OSBPL9: variants seen among roughly 807,000 people sequenced by gnomAD.
OSBPL9 encodes the protein oxysterol-binding protein-related protein 9.
In OSBPL9, 40 loss-of-function variants were observed where a neutral mutation model predicts 106.6. That is an observed-to-expected ratio of 0.38 (90% CI 0.29 to 0.49). The LOEUF (loss-of-function observed/expected upper bound fraction) is 0.49. OSBPL9 is among the 20% of genes least tolerant of loss of function. OSBPL9 has a pLI of 0.97. For synonymous variants in OSBPL9, 269 were observed against 295.4 expected, an observed-to-expected ratio of 0.91 and a Z score of 0.92; for missense variants, 609 against 887.2, an observed-to-expected ratio of 0.69 and a Z score of 3.98.
chr1:51,750,283 CT>C, intron 8 of OSBPL9, 88 bp downstream of exon 8: 2 of 842,212 alleles, frequency 2.4e-6, no homozygotes, highest in Middle Eastern at 5.2e-4. Flanking sequence ...AAACTCAGAT[CT>C]GAAACATAGT....
At chr1:51,560,748 G>A in the OSBPL9 span, 1 of 152,238 alleles carries the variant, frequency 6.6e-6, no homozygotes, top group African/African-American at 2.4e-5. Context: ...CCAATTAAAG[G>A]AAAGAAGACT....
At chr1:51,646,340 T>G (rs1646150991) in intron 1 of OSBPL9, among the ~76,000 whole-genome samples, 1 of 152,224 alleles carries the variant, frequency 6.6e-6, no homozygotes, top group African/African-American at 2.4e-5. Context: ...CTTCTTTTAT[T>G]AAATTTATTA....
intron 3 of OSBPL9, among the ~76,000 whole-genome samples, chr1:51,682,368 T>C (rs763313369): frequency 1.3e-5 from 2 of 152,116 alleles, no homozygotes; most frequent in Non-Finnish European, 2.9e-5. Context: ...TGAGGAGATA[T>C]GTAACGCACT....
In OSBPL9 at chr1:51,702,786, T is replaced by G. The variant is rs1215996079; in HGVS notation, c.242-11217T>G. Among the ~76,000 whole-genome samples the G allele has an allele frequency of 2.6e-5, 4 of 152,340 alleles. No individual in the cohort carries two copies. In the East Asian group the frequency reaches 7.7e-4, roughly 29 times the overall value. ...GTTTTTATGGTTTTAGGTCTAACATTTAAGTCTTTAATCCATCTTGAATTA... is the reference window on the plus strand; with the variant it reads ...GTTTTTATGGTTTTAGGTCTAACATGTAAGTCTTTAATCCATCTTGAATTA... On this transcript the variant is annotated intron_variant, in intron 3 of 23. Coordinates refer to ENST00000428468, the MANE Select transcript of OSBPL9 (RefSeq NM_024586.6).
the OSBPL9 span, among the ~76,000 whole-genome samples, chr1:51,531,145 G>C: frequency 7.1e-6 from 1 of 140,790 alleles, no homozygotes; most frequent in Non-Finnish European, 1.5e-5. Flanking sequence ...GTGTGGTGGT[G>C]CATGTGCCTG....
chr1:51,783,226 G>T (rs1286468728), intron 17 of OSBPL9, among the ~76,000 whole-genome samples: 1 of 151,876 alleles, frequency 6.6e-6, no homozygotes, highest in African/African-American at 2.4e-5. Context: ...TGTCCCCCAG[G>T]GTGGAATGCA....
chr1:51,619,456 C>CT (rs1644290917), intron 1 of OSBPL9, among the ~76,000 whole-genome samples: 1 of 152,108 alleles, frequency 6.6e-6, no homozygotes, highest in Non-Finnish European at 1.5e-5. Flanking sequence ...TAAAAAAATA[C>CT]TTTTTTCCCC....
At chr1:51,590,320 G>T (rs566046935) in intron 1 of OSBPL9, among the ~76,000 whole-genome samples, 2 of 150,392 alleles carry the variant, frequency 1.3e-5, no homozygotes, top group East Asian at 3.9e-4. Flanking sequence ...AATACAGGAG[G>T]TAAAAAAAAA....
chr1:51,725,256 T>C (rs917431293), intron 4 of OSBPL9, among the ~76,000 whole-genome samples: 1 of 152,162 alleles, frequency 6.6e-6, no homozygotes, highest in Non-Finnish European at 1.5e-5. Flanking sequence ...TTACAGTCTT[T>C]TTGATCAGTA....
At chr1:51,627,708 GTC>G (rs1211403197) in intron 1 of OSBPL9, among the ~76,000 whole-genome samples, 1 of 151,002 alleles carries the variant, frequency 6.6e-6, no homozygotes, top group East Asian at 1.9e-4. Flanking sequence ...TTTGAAAAAT[GTC>G]TCTCCTAATT....
At position 51,586,123 on chromosome 1, in the gene OSBPL9, G is replaced by A. The variant is rs374555936; in HGVS notation, c.-423+8867G>A. Among the ~76,000 whole-genome samples the A allele has an allele frequency of 1.6e-4, 25 of 151,900 alleles. No homozygotes were observed. In the East Asian group the frequency reaches 3.1e-3, roughly 19 times the overall value. ...CAGGAGGCAGAGGTTGCAGTGAGCC[G>A]AGATCGTGCCACTGCACTCCAGCCT... On this transcript the variant is annotated intron_variant, in intron 1 of 25. Coordinates refer to the OSBPL9 transcript ENST00000371714.
At chr1:51,623,811 C>T (rs892592207) in intron 1 of OSBPL9, among the ~76,000 whole-genome samples, 1 of 152,092 alleles carries the variant, frequency 6.6e-6, no homozygotes, top group African/African-American at 2.4e-5. Flanking sequence ...TCAGATTCTC[C>T]TGGAAAGGTA....
At chr1:51,577,610 G>A (rs1197381470) in intron 1 of OSBPL9, among the ~76,000 whole-genome samples, 1 of 152,132 alleles carries the variant, frequency 6.6e-6, no homozygotes, top group Non-Finnish European at 1.5e-5. Context: ...TGCAAGAATG[G>A]CGTAATACAT....
intron 13 of OSBPL9, 110 bp from the exon 14 acceptor site, chr1:51,772,495 G>A (rs890343643): frequency 2.6e-5 from 24 of 927,346 alleles, no homozygotes; most frequent in Non-Finnish European, 3.7e-5. Flanking sequence ...CAGCCTGGGC[G>A]AAAGAATGAG....
the OSBPL9 span, among the ~76,000 whole-genome samples, chr1:51,543,405 G>A: frequency 6.6e-6 from 1 of 151,480 alleles, no homozygotes; most frequent in Admixed American, 6.6e-5. Context: ...AGGTTTTTTT[G>A]TTTTTTTTGA....
chr1:51,597,505 A>G (rs1645306477), intron 1 of OSBPL9, among the ~76,000 whole-genome samples: 1 of 151,508 alleles, frequency 6.6e-6, no homozygotes, highest in Non-Finnish European at 1.5e-5. Context: ...ATATATATAC[A>G]CACACACATA....
intron 3 of OSBPL9, among the ~76,000 whole-genome samples, chr1:51,711,818 G>A (rs1356674614): frequency 7.9e-5 from 12 of 151,162 alleles, no homozygotes; most frequent in Non-Finnish European, 1.3e-4. Flanking sequence ...GATGATGGGC[G>A]GCGGGGCAGA....
At chr1:51,543,693 C>A in the OSBPL9 span, among the ~76,000 whole-genome samples, 3 of 152,200 alleles carry the variant, frequency 2.0e-5, no homozygotes, top group African/African-American at 7.2e-5. Context: ...CTGCGCCTGG[C>A]CTCAACTTTG....
At chr1:51,768,456 C>T (rs191258487) in intron 12 of OSBPL9, among the ~76,000 whole-genome samples, 319 of 139,856 alleles carry the variant, frequency 2.3e-3, no homozygotes, top group African/African-American at 7.7e-3. Flanking sequence ...TCAGGCTGTC[C>T]GCCTGCCTCG....
Sources: gnomAD v4.1 joint callset for allele counts (sites outside exome capture counted in the v4.1 genomes callset) on GRCh38, gnomAD v4.1.1 for gene constraint, MANE v1.5 for transcripts, NCBI Gene and HGNC (gene_info 2026-07-23, HGNC 2026-07-21) for gene names.